Variants in SYCP1 observed in about 807,000 individuals in gnomAD.
SYCP1 encodes the protein cancer/testis antigen 8.
Under a neutral mutation model 153.1 loss-of-function variants are expected in SYCP1, and 64 were observed. That is an observed-to-expected ratio of 0.42 (90% CI 0.34 to 0.51). SYCP1 has a LOEUF of 0.51. Ranked by LOEUF, SYCP1 falls within the 20% of genes least tolerant of loss-of-function variation. The probability of loss-of-function intolerance (pLI) is 0.06; values close to 1 mark genes in which losing one functional copy is unlikely to be tolerated. For synonymous variants in SYCP1, 384 were observed against 341.8 expected, an observed-to-expected ratio of 1.12 and a Z score of -1.36; for missense variants, 997 against 1,049.0, an observed-to-expected ratio of 0.95 and a Z score of 0.68.
At chr1:114,899,598 T>C (rs1667285309) in intron 16 of SYCP1, among the ~76,000 whole-genome samples, 1 of 152,304 alleles carries the variant, frequency 6.6e-6, no homozygotes, top group South Asian at 2.1e-4. Context: ...TAACGAAATG[T>C]CCAGGGTAGT....
At chr1:114,947,144 T>C (rs1670759506) in intron 26 of SYCP1, 102 bp from the exon 27 acceptor site, 1 of 863,832 alleles carries the variant, frequency 1.2e-6, no homozygotes, top group African/African-American at 1.7e-5. Flanking sequence ...AGTGAATTTA[T>C]TTCTCTACAA....
chr1:114,968,214 A>T (rs1465616938), intron 27 of SYCP1, among the ~76,000 whole-genome samples: 4 of 152,078 alleles, frequency 2.6e-5, no homozygotes, highest in Admixed American at 2.0e-4. Flanking sequence ...CCTGAATTTG[A>T]ATGTTGGCCT....
At chr1:114,946,242 TC>T (rs755581782) in intron 25 of SYCP1, 46 bp from the exon 26 acceptor site, 1 of 921,962 alleles carries the variant, frequency 1.1e-6, no homozygotes, top group Non-Finnish European at 1.6e-6. Context: ...AATCTTATAA[TC>T]TATTCAGTTT....
chr1:114,957,726 A>G (rs1315272619), intron 27 of SYCP1, among the ~76,000 whole-genome samples: 2 of 152,226 alleles, frequency 1.3e-5, no homozygotes, highest in Non-Finnish European at 2.9e-5. Context: ...CAACACCACC[A>G]CAATGAGATA....
At chr1:114,951,307 C>T (rs1671091945) in intron 27 of SYCP1, among the ~76,000 whole-genome samples, 1 of 151,902 alleles carries the variant, frequency 6.6e-6, no homozygotes, top group South Asian at 2.1e-4. Context: ...TAGTCAGATA[C>T]ACTTACACAT....
At chr1:114,938,831 T>A (rs1255406982) in intron 23 of SYCP1, among the ~76,000 whole-genome samples, 1 of 152,062 alleles carries the variant, frequency 6.6e-6, no homozygotes, top group Non-Finnish European at 1.5e-5. Context: ...TTAATATCAG[T>A]AATCATTGCA....
intron 2 of SYCP1, 131 bp from the exon 3 acceptor site, chr1:114,856,442 T>A (rs1431978754): frequency 1.1e-5 from 6 of 526,182 alleles, no homozygotes; most frequent in African/African-American, 1.9e-5. Flanking sequence ...TTAAACACTG[T>A]ATGTACATTA....
intron 12 of SYCP1, among the ~76,000 whole-genome samples, chr1:114,881,003 T>G (rs1665879120): frequency 6.6e-6 from 1 of 151,836 alleles, no homozygotes. Flanking sequence ...ACAATTAGAT[T>G]TTACATGATT....
chr1:114,896,454 G>A (rs1667063108), intron 16 of SYCP1, among the ~76,000 whole-genome samples: 1 of 152,050 alleles, frequency 6.6e-6, no homozygotes, highest in African/African-American at 2.4e-5. Context: ...GTCTTTGTAT[G>A]GCTTATTTCC....
chr1:114,879,220 G>A (rs1029893838), intron 12 of SYCP1, among the ~76,000 whole-genome samples: 32 of 152,142 alleles, frequency 2.1e-4, no homozygotes, highest in Admixed American at 1.8e-3. Context: ...CATAGTGTTT[G>A]TGAAACACCA....
chr1:114,991,160 T>G (rs945074647), intron 30 of SYCP1, among the ~76,000 whole-genome samples: 2 of 151,942 alleles, frequency 1.3e-5, no homozygotes, highest in Non-Finnish European at 2.9e-5. Context: ...TGAATCCAAA[T>G]ACACTGATAG....
At chr1:114,962,384 TAAAC>T (rs1000312395) in intron 27 of SYCP1, among the ~76,000 whole-genome samples, 5 of 152,210 alleles carry the variant, frequency 3.3e-5, no homozygotes, top group African/African-American at 9.6e-5. Flanking sequence ...ATTTTCCTGT[TAAAC>T]AAGTCCTTTT....
At chr1:114,934,263 T>C (rs1669833528) in intron 23 of SYCP1, among the ~76,000 whole-genome samples, 1 of 152,176 alleles carries the variant, frequency 6.6e-6, no homozygotes, top group African/African-American at 2.4e-5. Flanking sequence ...TTCAACATTC[T>C]TAAAGAAAAG....
At chr1:114,987,973 G>A (rs541642729) in intron 30 of SYCP1, among the ~76,000 whole-genome samples, 11 of 148,724 alleles carry the variant, frequency 7.4e-5, no homozygotes, top group African/African-American at 2.2e-4. Context: ...TACAATAACC[G>A]AAATGAGAAA....
chr1:114,868,230 C>T (rs1181925210), intron 8 of SYCP1, among the ~76,000 whole-genome samples: 1 of 151,886 alleles, frequency 6.6e-6, no homozygotes, highest in Non-Finnish European at 1.5e-5. Context: ...CCTTGAACTC[C>T]TGGGCTTAAG....
At chr1:114,876,258 T>G (rs1665524784) in intron 10 of SYCP1, 120 bp downstream of exon 10, 2 of 563,734 alleles carry the variant, frequency 3.5e-6, no homozygotes, top group Admixed American at 4.0e-5. Flanking sequence ...CTATTTTATT[T>G]ATTTCTGTAA....
chr1:114,973,769 A>G (rs1216404693), intron 27 of SYCP1, among the ~76,000 whole-genome samples: 2 of 151,862 alleles, frequency 1.3e-5, no homozygotes, highest in African/African-American at 2.4e-5. Context: ...TGGCTTTACC[A>G]TCTTTACCAA....
chr1:114,964,678 A>G (rs1458760988), intron 27 of SYCP1, among the ~76,000 whole-genome samples: 1 of 152,050 alleles, frequency 6.6e-6, no homozygotes, highest in African/African-American at 2.4e-5. Flanking sequence ...CAAAGATCAG[A>G]TGGTTGTAGA....
intron 20 of SYCP1, among the ~76,000 whole-genome samples, chr1:114,920,204 T>C (rs906313000): frequency 2.0e-5 from 3 of 152,102 alleles, no homozygotes; most frequent in South Asian, 2.1e-4. Context: ...TTTCAAGACA[T>C]TTTTCAGTTT....
Sources: allele counts gnomAD v4.1 joint callset (sites outside exome capture counted in the v4.1 genomes callset), GRCh38; gene constraint gnomAD v4.1.1; transcripts MANE v1.5; gene names NCBI Gene and HGNC (gene_info 2026-07-23, HGNC 2026-07-21).